Variants in PTPRQ observed in about 807,000 individuals in gnomAD.
The protein encoded by PTPRQ is phosphatidylinositol phosphatase PTPRQ.
In PTPRQ, 199 loss-of-function variants were observed where a neutral mutation model predicts 246.0. That is an observed-to-expected ratio of 0.81 (90% CI 0.72 to 0.91). The LOEUF is 0.91. Ranked by LOEUF, PTPRQ falls within the 40% of genes least tolerant of loss-of-function variation. PTPRQ has a pLI of 0.00. For missense variants in PTPRQ, 2,624 were observed against 2,528.4 expected (o/e 1.04, Z -0.81); for synonymous variants, 869 against 853.2 (o/e 1.02, Z -0.32).
At chr12:80,677,165 T>A (rs1565855269) in intron 43 of PTPRQ, among the ~76,000 whole-genome samples, 1 of 152,160 alleles carries the variant, frequency 6.6e-6, no homozygotes, top group Admixed American at 6.5e-5. Flanking sequence ...ACATATCAAA[T>A]GTGACTTCAC....
rs765499395 is a variant in PTPRQ, at chr12:80,588,198, G to A, written c.4355G>A (p.Arg1452Lys). The A allele has an allele frequency of 6.4e-7, 1 of 1,551,338 alleles. No individual in the cohort carries two copies. Among genetic ancestry groups the A allele is most frequent in the East Asian group, 2.4e-5 (1 of 40,890 alleles). The part of the protein sequence containing the change: ...QSTSATLTWI[R>K]PDTILGYFQN... The stretch of plus-strand genomic sequence containing the variant: ...ACTAGTGCAACATTGACATGGATAA[G>A]ACCTGACACTATCCTTGGCTACTTT... Residue 1452 changes from arginine to lysine, a missense_variant, in exon 26 of 45, where the codon AGA becomes AAA. By Grantham distance (26) the Arg-to-Lys change is conservative. Transcript: ENST00000644991.
intron 25 of PTPRQ, among the ~76,000 whole-genome samples, chr12:80,562,202 G>A (rs891632577): frequency 6.6e-6 from 1 of 152,050 alleles, no homozygotes; most frequent in South Asian, 2.1e-4. Flanking sequence ...ATGATATTTT[G>A]TTAAGGATTT....
Position 80,539,954 on chromosome 12 carries a change from C to CA in PTPRQ, c.3154+16dup. ...TACACAGATCAAGACAGTATGTAAA[C>CA]AAAAAACACTAATCTTTAATATGAT... On this transcript the variant is annotated intron_variant, in intron 20 of 44. Coordinates refer to ENST00000644991, the MANE Select transcript of PTPRQ (RefSeq NM_001145026.2). 1 of 1,455,304 alleles carries CA rather than the reference C, an allele frequency of 6.9e-7. No homozygotes were observed. Among genetic ancestry groups the CA allele is most frequent in the Non-Finnish European group, 9.1e-7 (1 of 1,102,176 alleles). 90.1% of individuals were successfully genotyped at this position (1,455,304 alleles called of 1,614,324 possible). A position where few individuals can be genotyped will look rare whatever the true frequency, so the allele number is the denominator to read the frequency against.
chr12:80,649,726 C>A, intron 37 of PTPRQ, 57 bp downstream of exon 37: 1 of 1,497,868 alleles, frequency 6.7e-7, no homozygotes, highest in Non-Finnish European at 8.9e-7. Flanking sequence ...TCATGTGTCA[C>A]ATTTCATGTC....
chr12:80,496,908 T>G (rs1380719894), intron 14 of PTPRQ, among the ~76,000 whole-genome samples: 1 of 151,926 alleles, frequency 6.6e-6, no homozygotes, highest in Non-Finnish European at 1.5e-5. Flanking sequence ...TGTGTATAGA[T>G]AGTGATGCAG....
chr12:80,567,055 T>C lies in PTPRQ; in HGVS notation c.4285+17321T>C, dbSNP rs1469575596. Among the ~76,000 whole-genome samples the C allele has an allele frequency of 2.0e-5, 3 of 152,300 alleles. No homozygotes were observed. In the East Asian group the frequency reaches 5.8e-4, roughly 29 times the overall value. On this transcript the variant is annotated intron_variant, in intron 25 of 44. Coordinates refer to ENST00000644991, the MANE Select transcript of PTPRQ (RefSeq NM_001145026.2). The stretch of plus-strand genomic sequence containing the variant: ...ACCTTAAAAGCTAAATAGGATGCCA[T>C]ACTCAGAAGCACTATTAGGAACTTT...
chr12:80,506,328 G>A, intron 15 of PTPRQ, 122 bp downstream of exon 15: 1 of 1,134,676 alleles, frequency 8.8e-7, no homozygotes, highest in Non-Finnish European at 1.2e-6. Context: ...TTGTCTTTTT[G>A]GTTAAATAAG....
chr12:80,673,482 T>G (rs1397448331), intron 43 of PTPRQ, among the ~76,000 whole-genome samples, 178 bp downstream of exon 43: 1 of 152,072 alleles, frequency 6.6e-6, no homozygotes, highest in Non-Finnish European at 1.5e-5. Flanking sequence ...GGAGAACTAA[T>G]GCCCACATGC....
intron 3 of PTPRQ, among the ~76,000 whole-genome samples, chr12:80,452,879 G>A (rs965327412): frequency 1.8e-4 from 28 of 152,032 alleles, no homozygotes; most frequent in African/African-American, 2.2e-4. Flanking sequence ...TCTTTGTAGC[G>A]TTCTCTGTAT....
chr12:80,655,142 T>C (rs1592763946), intron 38 of PTPRQ, among the ~76,000 whole-genome samples: 1 of 152,182 alleles, frequency 6.6e-6, no homozygotes, highest in East Asian at 1.9e-4. Context: ...TAAACAATCT[T>C]AAAGTAATAA....
At chr12:80,472,611 G>T (rs1893675792) in intron 8 of PTPRQ, among the ~76,000 whole-genome samples, 1 of 152,116 alleles carries the variant, frequency 6.6e-6, no homozygotes, top group South Asian at 2.1e-4. Context: ...CACAGAACTA[G>T]TATTTAGAAG....
At chr12:80,593,270 C>T (rs893648665) in intron 26 of PTPRQ, among the ~76,000 whole-genome samples, 52 of 152,068 alleles carry the variant, frequency 3.4e-4, no homozygotes, top group African/African-American at 1.2e-3. Flanking sequence ...ATTTGAGTAA[C>T]TCCAATAAAA....
intron 28 of PTPRQ, among the ~76,000 whole-genome samples, chr12:80,612,935 A>C (rs1399845448): frequency 6.6e-6 from 1 of 150,620 alleles, no homozygotes; most frequent in Non-Finnish European, 1.5e-5. Context: ...TGACAAAACT[A>C]TACAGAGGAA....
chr12:80,551,118 C>T (rs1896462632), intron 25 of PTPRQ, among the ~76,000 whole-genome samples: 1 of 152,032 alleles, frequency 6.6e-6, no homozygotes, highest in South Asian at 2.1e-4. Flanking sequence ...TTCTCTTTTT[C>T]TTGCACATTC....
rs145347616 is a variant in PTPRQ, at chr12:80,486,536, C to A, written c.1359+1931C>A. 5.1e-4 allele frequency among the ~76,000 whole-genome samples: 77 copies of A among 152,246 alleles called. 1 individual carries two copies. In the East Asian group the frequency reaches 0.011, roughly 21 times the overall value. On this transcript the variant is annotated intron_variant, in intron 9 of 44. Coordinates refer to ENST00000644991, the MANE Select transcript of PTPRQ (RefSeq NM_001145026.2). ...TCTAGGTCTATGACCTTAGAAAAAT[C>A]AACTTTTGGAGACTTGGTGCCTTCA... is the stretch of plus-strand genomic sequence containing the variant.
At chr12:80,593,159 G>T (rs949431036) in intron 26 of PTPRQ, among the ~76,000 whole-genome samples, 1 of 152,102 alleles carries the variant, frequency 6.6e-6, no homozygotes, top group African/African-American at 2.4e-5. Flanking sequence ...ATGACATAAA[G>T]TTGTACTCAA....
rs1433938032 is a variant in PTPRQ at position 80,541,696 on chromosome 12, T to A, written c.3296T>A (p.Val1099Glu). ...ATCTTACAGCAGACTCCTCGCCATGTGAGACCACCTCTTGTTACATATGAG... is the reference window on the plus strand; with the variant it reads ...ATCTTACAGCAGACTCCTCGCCATGAGAGACCACCTCTTGTTACATATGAG... Reference protein sequence around the residue: ...SLILQQTPRHVRPPLVTYERS... With the variant: ...SLILQQTPRHERPPLVTYERS... Residue 1099 changes from valine to glutamate, a missense_variant, in exon 21 of 45, where the codon GTG becomes GAG. Transcript: ENST00000644991. 2.6e-6 allele frequency: 4 copies of A among 1,551,390 alleles called. No individual in the cohort carries two copies. The highest frequency in any genetic ancestry group is 2.6e-6 in the Non-Finnish European group (3 of 1,146,742).
At chr12:80,481,248 A>T (rs1397740654) in intron 8 of PTPRQ, among the ~76,000 whole-genome samples, 2 of 152,236 alleles carry the variant, frequency 1.3e-5, no homozygotes, top group Admixed American at 6.5e-5. Context: ...ATAATCCAGC[A>T]TATAAACAGA....
At chr12:80,573,836 C>A (rs1425620850) in intron 25 of PTPRQ, among the ~76,000 whole-genome samples, 1 of 152,046 alleles carries the variant, frequency 6.6e-6, no homozygotes, top group East Asian at 1.9e-4. Context: ...TTTGTGCTTT[C>A]CATTACATCG....
Sources: allele counts gnomAD v4.1 joint callset (sites outside exome capture counted in the v4.1 genomes callset), GRCh38; gene constraint gnomAD v4.1.1; transcripts MANE v1.5; gene names NCBI Gene and HGNC (gene_info 2026-07-23, HGNC 2026-07-21).